The following KDM1B variants were observed in gnomAD, a reference collection of about 807,000 sequenced individuals.
KDM1B encodes the protein lysine-specific histone demethylase 2.
Under a neutral mutation model 107.4 loss-of-function variants are expected in KDM1B, and 63 were observed. The ratio of observed to expected loss-of-function variants is 0.59; its 90% CI spans 0.48 to 0.72. KDM1B has a LOEUF of 0.72. Among genes scored for constraint, KDM1B ranks in the 30% least tolerant of loss-of-function variants. The probability of loss-of-function intolerance (pLI) is 0.00; values close to 1 mark genes in which losing one functional copy is unlikely to be tolerated. For synonymous variants in KDM1B, 363 were observed against 363.9 expected (o/e 1.00, Z 0.03); for missense variants, 749 against 1,020.8 (o/e 0.73, Z 3.63).
rs186378526 is a variant in KDM1B, at chr6:18,217,593, C to G, written c.2233-140C>G. The G allele has an allele frequency of 4.0e-3, 2,414 of 600,212 alleles. 10 individuals are homozygous for G. The highest frequency in any genetic ancestry group is 5.3e-3 in the Non-Finnish European group (1,809 of 342,754). The allele number at this position is 600,212 out of a possible 1,614,324, so 37.2% of individuals were successfully genotyped here. ...GGGGTTTCACCGTGTTAGCCAGGAT[C>G]GTCTCGATCTCCTGACCTTGTGATC... On this transcript the variant is annotated intron_variant, in intron 20 of 21. Coordinates refer to ENST00000650836, the MANE Select transcript of KDM1B (RefSeq NM_001364614.2).
chr6:18,197,123 G>A lies in KDM1B; in HGVS notation c.1036G>A (p.Val346Ile), dbSNP rs754264817. The A allele has an allele frequency of 2.2e-5, 36 of 1,613,918 alleles. No individual in the cohort carries two copies. The highest frequency in any genetic ancestry group is 1.0e-4 in the Admixed American group (6 of 59,978). ...CCGGGGTCTCGTGCGTATTCGATGC[G>A]TTCAGGAAGTGGAGAGAATACTGTA... ...IVRGLVRIRC[V>I]QEVERILYFM... Residue 346 changes from valine to isoleucine, a missense_variant, in exon 11 of 22, where the codon GTT (valine) becomes ATT (isoleucine). Transcript: ENST00000650836. This position sits in a 1 kb window ranked among gnomAD's most constrained non-coding sequence, Gnocchi z 4.5.
At chr6:18,187,041 C>T (rs76436525) in intron 8 of KDM1B, among the ~76,000 whole-genome samples, 5 of 147,718 alleles carry the variant, frequency 3.4e-5, no homozygotes, top group Non-Finnish European at 3.0e-5. Context: ...TTTTTTTCCC[C>T]GAATTCCTGG....
intron 7 of KDM1B, among the ~76,000 whole-genome samples, chr6:18,179,617 A>G (rs1241010133): frequency 1.3e-5 from 2 of 151,784 alleles, no homozygotes; most frequent in African/African-American, 4.8e-5. Context: ...GTGTTTTTCA[A>G]GCAGTTTGTC....
chr6:18,190,409 A>T (rs1198495214), intron 9 of KDM1B, among the ~76,000 whole-genome samples: 1 of 150,256 alleles, frequency 6.7e-6, no homozygotes, highest in African/African-American at 2.5e-5. Context: ...TGGCTAACAC[A>T]GTAAAACCCC....
intron 21 of KDM1B, among the ~76,000 whole-genome samples, chr6:18,220,409 C>G (rs975158728): frequency 2.0e-5 from 3 of 152,014 alleles, no homozygotes; most frequent in Non-Finnish European, 4.4e-5. Flanking sequence ...ATCAGCTGGG[C>G]ATGGTGGCGG....
intron 7 of KDM1B, among the ~76,000 whole-genome samples, chr6:18,176,767 G>C (rs1218564552): frequency 6.6e-6 from 1 of 152,116 alleles, no homozygotes; most frequent in African/African-American, 2.4e-5. Context: ...TTATTGATTT[G>C]CATATGTTAA....
In KDM1B at chr6:18,222,348, G is replaced by C. The variant is rs1410919244; in HGVS notation, c.*356G>C. On this transcript the variant is annotated 3_prime_UTR_variant, in exon 22 of 22. Coordinates refer to ENST00000650836, the MANE Select transcript of KDM1B (RefSeq NM_001364614.2). ...TATGGCTGATCAATTTTCATACATT[G>C]AGAAACCAAGTCAATCAAGCAGGAA... The C allele has an allele frequency of 8.7e-6, 3 of 346,196 alleles. No homozygotes were observed. Among genetic ancestry groups the C allele is most frequent in the African/African-American group, 6.4e-5 (3 of 46,778 alleles). The allele number at this position is 346,196 out of a possible 1,614,324, so 21.4% of individuals were successfully genotyped here. A position where few individuals can be genotyped will look rare whatever the true frequency, so the allele number is the denominator to read the frequency against.
chr6:18,195,313 G>T (rs1330470117), intron 10 of KDM1B, among the ~76,000 whole-genome samples: 1 of 152,108 alleles, frequency 6.6e-6, no homozygotes, highest in Non-Finnish European at 1.5e-5. Context: ...GGGTCATATG[G>T]TATTTTAGGT....
At chr6:18,179,122 A>G (rs1786259126) in intron 7 of KDM1B, among the ~76,000 whole-genome samples, 1 of 152,222 alleles carries the variant, frequency 6.6e-6, no homozygotes. Context: ...TGATGAATAG[A>G]TATTGGCTAA....
chr6:18,171,062 C>T (rs1014422931), intron 6 of KDM1B, among the ~76,000 whole-genome samples: 18 of 151,920 alleles, frequency 1.2e-4, no homozygotes, highest in South Asian at 6.2e-4. Flanking sequence ...CCTCGTGATC[C>T]GCCCGCCTTG....
Position 18,201,625 on chromosome 6 carries a change from A to G in KDM1B, c.1499A>G (p.Asp500Gly). Residue 500 changes from aspartate (D) to glycine (G), a missense_variant, in exon 14 of 22, where the codon GAT (aspartate) becomes GGT (glycine). By Grantham distance (94) the Asp-to-Gly change is moderately conservative. Coordinates refer to ENST00000650836, the MANE Select transcript of KDM1B (RefSeq NM_001364614.2). The surrounding 1 kb of genome is among the most constrained non-coding windows in gnomAD (Gnocchi z 4.3). ...GATGTTGTCTCTGAGTGGAGAAAGG[A>G]TAAGACTCAGCTCCAAGATGTCCCT... ...LLDVVSEWRK[D>G]KTQLQDVPLG... The G allele has an allele frequency of 6.4e-7, 1 of 1,550,864 alleles. No homozygotes were observed. Among genetic ancestry groups the G allele is most frequent in the Non-Finnish European group, 8.7e-7 (1 of 1,146,986 alleles).
At position 18,191,034 on chromosome 6, in the gene KDM1B, T is replaced by C. The variant is rs9477665; in HGVS notation, c.785-163T>C. 0.084 allele frequency among the ~76,000 whole-genome samples: 12,757 copies of C among 152,200 alleles called. 1,629 individuals carry two copies. The highest frequency in any genetic ancestry group is 0.28 in the African/African-American group (11,467 of 41,490). The stretch of plus-strand genomic sequence containing the variant: ...AAGAAAGAATGAGAAAAATACTTAA[T>C]TTATGTACGTTTTGTCTAACTGGGT... On this transcript the variant is annotated intron_variant, in intron 9 of 21. Coordinates refer to ENST00000650836, the MANE Select transcript of KDM1B (RefSeq NM_001364614.2). This position sits in a 1 kb window ranked among gnomAD's most constrained non-coding sequence, Gnocchi z 5.1.
chr6:18,171,892 G>C (rs1785687872), intron 7 of KDM1B, among the ~76,000 whole-genome samples: 1 of 152,166 alleles, frequency 6.6e-6, no homozygotes, highest in Non-Finnish European at 1.5e-5. Context: ...TCTTTTCCTG[G>C]GGGAAACAGG....
intron 21 of KDM1B, among the ~76,000 whole-genome samples, chr6:18,219,252 C>G (rs958425985): frequency 6.6e-6 from 1 of 152,136 alleles, no homozygotes; most frequent in Non-Finnish European, 1.5e-5. Context: ...TTTCTAAGAT[C>G]CGTCTCTTTC....
In KDM1B at chr6:18,187,836, C is replaced by T; in HGVS notation, c.618C>T (p.Ile206=). Residue 206 remains isoleucine (I), a synonymous_variant, in exon 9 of 22, where the codon ATC becomes ATT. Transcript: ENST00000650836. The stretch of plus-strand genomic sequence containing the variant: ...ACCATTGGTGGTACTCTATGCTCAT[C>T]CTACCTCCTTTGCTGAAAGACAGTG... ...VSNHWWYSML[I]LPPLLKDSVA... 1 of 1,550,468 alleles carries T rather than the reference C, an allele frequency of 6.4e-7. No homozygotes were observed. Among genetic ancestry groups the T allele is most frequent in the African/African-American group, 1.4e-5 (1 of 73,148 alleles).
At position 18,213,498 on chromosome 6, in the gene KDM1B, G is replaced by A. The variant is rs1789010466; in HGVS notation, c.1984-158G>A. Among the ~76,000 whole-genome samples the A allele has an allele frequency of 6.6e-6, 1 of 151,958 alleles. No individual in the cohort carries two copies. On this transcript the variant is annotated intron_variant, in intron 18 of 21. Transcript: ENST00000650836. The surrounding 1 kb of genome is among the most constrained non-coding windows in gnomAD (Gnocchi z 5.9). Reference sequence around the variant, plus strand: ...AAAACAACCAAGGAGTTCACAGGGGGAAAAAAGGAGGTGAGGAGAATGGAA... The same window carrying A: ...AAAACAACCAAGGAGTTCACAGGGGAAAAAAAGGAGGTGAGGAGAATGGAA...
intron 8 of KDM1B, among the ~76,000 whole-genome samples, chr6:18,187,261 TTA>T (rs1786928593): frequency 6.6e-6 from 1 of 152,238 alleles, no homozygotes; most frequent in African/African-American, 2.4e-5. Context: ...ATTTGGCGTC[TTA>T]TTTTGATGTT....
At position 18,213,532 on chromosome 6, in the gene KDM1B, A is replaced by G; in HGVS notation, c.1984-124A>G. Reference sequence around the variant, plus strand: ...AGGTGAGGAGAATGGAAAGAGCGGTATTTGGGGTTGTTCTTTCGGGCAGTG... The same window carrying G: ...AGGTGAGGAGAATGGAAAGAGCGGTGTTTGGGGTTGTTCTTTCGGGCAGTG... On this transcript the variant is annotated intron_variant, in intron 18 of 21. Coordinates refer to ENST00000650836, the MANE Select transcript of KDM1B (RefSeq NM_001364614.2). The surrounding 1 kb of genome is among the most constrained non-coding windows in gnomAD (Gnocchi z 5.9). 1 of 869,374 alleles carries G rather than the reference A, an allele frequency of 1.2e-6. No individual in the cohort carries two copies. Among genetic ancestry groups the G allele is most frequent in the Non-Finnish European group, 1.9e-6 (1 of 534,370 alleles). The allele number at this position is 869,374 out of a possible 1,614,324, so 53.9% of individuals were successfully genotyped here. A position where few individuals can be genotyped will look rare whatever the true frequency, so the allele number is the denominator to read the frequency against.
At position 18,217,866 on chromosome 6, in the gene KDM1B, C is replaced by A; in HGVS notation, c.2366C>A (p.Thr789Asn). The change falls in exon 21 of 22, where the codon ACC becomes AAC. Residue 789 changes from threonine to asparagine, a missense_variant. Coordinates refer to ENST00000650836, the MANE Select transcript of KDM1B (RefSeq NM_001364614.2). The stretch of plus-strand genomic sequence containing the variant: ...ATCATTGCTGAAGACATTCAAGGAA[C>A]CGTCTTTTTCGCTGGTGAGGTATGG... ...YDIIAEDIQG[T>N]VFFAGEATNR... is the part of the protein sequence containing the mutation. The A allele has an allele frequency of 6.2e-7, 1 of 1,611,902 alleles. No homozygotes were observed. Among genetic ancestry groups the A allele is most frequent in the Non-Finnish European group, 8.5e-7 (1 of 1,179,438 alleles).
Sources: allele counts gnomAD v4.1 joint callset (sites outside exome capture counted in the v4.1 genomes callset), GRCh38; gene constraint gnomAD v4.1.1; non-coding constraint Gnocchi (gnomAD v3.1); transcripts MANE v1.5; gene names NCBI Gene and HGNC (gene_info 2026-07-23, HGNC 2026-07-21).